The following SGCZ variants were observed in gnomAD, a reference collection of about 807,000 sequenced individuals.
The protein encoded by SGCZ is sarcoglycan zeta.
Under a neutral mutation model 41.3 loss-of-function variants are expected in SGCZ, and 40 were observed. The observed-to-expected ratio is 0.97, with a 90% CI of 0.75 to 1.26. The LOEUF (loss-of-function observed/expected upper bound fraction) is 1.26. Among genes scored for constraint, SGCZ ranks in the 50% most tolerant of loss-of-function variants. The pLI, the probability that SGCZ is intolerant of heterozygous loss-of-function variation, is 0.00. For missense variants in SGCZ, 552 were observed against 369.8 expected (o/e 1.49, Z -4.04); for synonymous variants, 206 against 137.5 (o/e 1.50, Z -3.49).
At chr8:15,207,375 C>A (rs1389491735) in intron 1 of SGCZ, among the ~76,000 whole-genome samples, 2 of 152,122 alleles carry the variant, frequency 1.3e-5, no homozygotes, top group Non-Finnish European at 2.9e-5. Flanking sequence ...GAAGGCTAGA[C>A]TGGAAACTAA....
intron 2 of SGCZ, among the ~76,000 whole-genome samples, chr8:14,489,985 A>C (rs2117026546): frequency 6.6e-6 from 1 of 151,278 alleles, no homozygotes; most frequent in Non-Finnish European, 1.5e-5. Flanking sequence ...CTTGTGCCTC[A>C]GCCTCCTGAG....
intron 1 of SGCZ, among the ~76,000 whole-genome samples, chr8:14,928,173 C>A (rs989280286): frequency 6.6e-6 from 1 of 152,142 alleles, no homozygotes; most frequent in African/African-American, 2.4e-5. Flanking sequence ...CAGATTATCT[C>A]TGAGTAATAA....
At chr8:15,142,154 C>G (rs997023781) in intron 1 of SGCZ, among the ~76,000 whole-genome samples, 1 of 152,056 alleles carries the variant, frequency 6.6e-6, no homozygotes, top group Admixed American at 6.6e-5. Context: ...CGAGATGATT[C>G]TTTTCATAAA....
chr8:14,287,976 G>A (rs1409906316), intron 3 of SGCZ, among the ~76,000 whole-genome samples: 1 of 152,028 alleles, frequency 6.6e-6, no homozygotes, highest in Non-Finnish European at 1.5e-5. Context: ...TGGTTTGTTA[G>A]CTATTTATTT....
chr8:14,645,341 T>C (rs923757572), intron 1 of SGCZ, among the ~76,000 whole-genome samples: 1 of 150,996 alleles, frequency 6.6e-6, no homozygotes, highest in Admixed American at 6.6e-5. Context: ...ACCATTATTA[T>C]AAAATTGAAG....
At chr8:15,184,193 T>G (rs1185864647) in intron 1 of SGCZ, among the ~76,000 whole-genome samples, 1 of 152,232 alleles carries the variant, frequency 6.6e-6, no homozygotes, top group East Asian at 1.9e-4. Context: ...TATAAATTCT[T>G]CATCATATAT....
At chr8:15,044,701 G>A (rs928013304) in intron 1 of SGCZ, among the ~76,000 whole-genome samples, 2 of 152,090 alleles carry the variant, frequency 1.3e-5, no homozygotes, top group Non-Finnish European at 2.9e-5. Context: ...AACTTGGTAA[G>A]ATGGAGGGTT....
At chr8:14,919,536 C>T (rs141256932) in intron 1 of SGCZ, among the ~76,000 whole-genome samples, 149 of 152,226 alleles carry the variant, frequency 9.8e-4, no homozygotes, top group African/African-American at 3.5e-3. Flanking sequence ...AGTAGAGTCA[C>T]ATAAATGATA....
chr8:14,347,815 T>G (rs1802943693), intron 2 of SGCZ, among the ~76,000 whole-genome samples: 1 of 152,146 alleles, frequency 6.6e-6, no homozygotes, highest in Admixed American at 6.6e-5. Context: ...GGTCTATAAC[T>G]TGAAATAATT....
chr8:15,166,472 T>C (rs1292545990), intron 1 of SGCZ, among the ~76,000 whole-genome samples: 3 of 151,986 alleles, frequency 2.0e-5, no homozygotes, highest in Non-Finnish European at 2.9e-5. Flanking sequence ...ATGGTCTCCA[T>C]CTCCTGACCT....
rs377056673 is a variant in SGCZ, at chr8:14,807,496, G to T, written c.40-252570C>A. On this transcript the variant is annotated intron_variant, in intron 1 of 7. Coordinates refer to ENST00000382080, the MANE Select transcript of SGCZ (RefSeq NM_139167.4). ...CCATTCACAATTGCTTCAAAGAGAA[G>T]AAAATACCTAGGAATCCAACTTACA... is the stretch of plus-strand genomic sequence containing the variant. Among the ~76,000 whole-genome samples the T allele has an allele frequency of 6.1e-4, 93 of 151,922 alleles. 1 individual carries two copies. The South Asian group carries it at 0.017, about 28-fold the overall frequency.
At chr8:14,382,756 A>C (rs998175616) in intron 2 of SGCZ, among the ~76,000 whole-genome samples, 20 of 152,312 alleles carry the variant, frequency 1.3e-4, no homozygotes, top group African/African-American at 4.1e-4. Flanking sequence ...TTAATGAAAG[A>C]GTTTTGTAAT....
chr8:14,433,200 T>A (rs1799995503), intron 2 of SGCZ, among the ~76,000 whole-genome samples: 1 of 152,136 alleles, frequency 6.6e-6, no homozygotes. Context: ...CTACCTGGGA[T>A]TAAGCAACTG....
chr8:14,840,308 A>G (rs962933511), intron 1 of SGCZ, among the ~76,000 whole-genome samples: 1 of 152,166 alleles, frequency 6.6e-6, no homozygotes, highest in African/African-American at 2.4e-5. Context: ...AATTCTAAAC[A>G]TATTTATTCA....
intron 1 of SGCZ, among the ~76,000 whole-genome samples, chr8:14,697,963 C>G (rs1809019007): frequency 6.6e-6 from 1 of 151,906 alleles, no homozygotes; most frequent in East Asian, 1.9e-4. Flanking sequence ...ATGTTTCAAC[C>G]ACTTCGGTAT....
At chr8:14,807,542 C>T (rs1246020936) in intron 1 of SGCZ, among the ~76,000 whole-genome samples, 1 of 151,606 alleles carries the variant, frequency 6.6e-6, no homozygotes, top group African/African-American at 2.4e-5. Context: ...AGGACCTCTT[C>T]AAGGAGAACT....
chr8:14,691,917 GTTC>G (rs1192634859), intron 1 of SGCZ, among the ~76,000 whole-genome samples: 2 of 151,760 alleles, frequency 1.3e-5, no homozygotes, highest in Non-Finnish European at 2.9e-5. Context: ...TATATATTGT[GTTC>G]TTGTTTTTTC....
chr8:14,307,459 A>T (rs1801386167), intron 3 of SGCZ, among the ~76,000 whole-genome samples: 1 of 152,144 alleles, frequency 6.6e-6, no homozygotes, highest in South Asian at 2.1e-4. Context: ...ACTACAGTAC[A>T]TTCCAGTTTT....
chr8:15,047,270 G>C (rs137883304), intron 1 of SGCZ, among the ~76,000 whole-genome samples: 2 of 152,060 alleles, frequency 1.3e-5, no homozygotes, highest in Non-Finnish European at 2.9e-5. Context: ...TTTGACAAAA[G>C]GATATACTCA....
Sources: gnomAD v4.1 joint callset for allele counts (sites outside exome capture counted in the v4.1 genomes callset) on GRCh38, gnomAD v4.1.1 for gene constraint, MANE v1.5 for transcripts, NCBI Gene and HGNC (gene_info 2026-07-23, HGNC 2026-07-21) for gene names.